MAP3K13: variants seen among roughly 807,000 people sequenced by gnomAD.
The protein encoded by MAP3K13 is leucine zipper-bearing kinase.
In MAP3K13, 52 loss-of-function variants were observed where a neutral mutation model predicts 104.0. The ratio of observed to expected loss-of-function variants is 0.50; its 90% CI spans 0.40 to 0.63. The LOEUF is 0.63. Ranked by LOEUF, MAP3K13 falls within the 20% of genes least tolerant of loss-of-function variation. The pLI, the probability that MAP3K13 is intolerant of heterozygous loss-of-function variation, is 0.00. For missense variants in MAP3K13, 914 were observed against 1,218.5 expected (o/e 0.75, Z 3.72); for synonymous variants, 394 against 442.2 (o/e 0.89, Z 1.37).
rs138766026 is a variant in MAP3K13, at chr3:185,381,020, T to A, written c.-86+17652T>A. ...CTCTGTTACCCAGGCTGGAGTGCAG[T>A]GGCAAGATCTCAGCTCACTGCAACC... On this transcript the variant is annotated intron_variant, in intron 1 of 13. Coordinates refer to ENST00000265026, the MANE Select transcript of MAP3K13 (RefSeq NM_004721.5). Among the ~76,000 whole-genome samples the A allele has an allele frequency of 3.7e-3, 559 of 150,554 alleles. 4 individuals are homozygous for A. The highest frequency in any genetic ancestry group is 0.013 in the African/African-American group (534 of 41,246).
At chr3:185,440,535 C>T (rs896171382) in intron 3 of MAP3K13, among the ~76,000 whole-genome samples, 1 of 152,018 alleles carries the variant, frequency 6.6e-6, no homozygotes, top group African/African-American at 2.4e-5. Flanking sequence ...AGACATATAA[C>T]CGGAACTTGA....
chr3:185,359,192 G>A (rs571988713), upstream of MAP3K13, among the ~76,000 whole-genome samples: 200 of 152,220 alleles, frequency 1.3e-3, 6 homozygotes, highest in South Asian at 0.013. Flanking sequence ...TTACACGGAC[G>A]GCAGCAGGCA....
At chr3:185,385,269 G>A (rs1468773137) in intron 1 of MAP3K13, among the ~76,000 whole-genome samples, 1 of 152,124 alleles carries the variant, frequency 6.6e-6, no homozygotes, top group Non-Finnish European at 1.5e-5. Flanking sequence ...TCCTGCCTCA[G>A]CCTCCCGAGT....
At chr3:185,460,612 C>T (rs942628680) in intron 7 of MAP3K13, among the ~76,000 whole-genome samples, 3 of 152,122 alleles carry the variant, frequency 2.0e-5, no homozygotes, top group Admixed American at 6.6e-5. Context: ...AGATTAAGCT[C>T]AAATTGGAAC....
intron 1 of MAP3K13, among the ~76,000 whole-genome samples, chr3:185,284,182 T>C (rs1720420307): frequency 6.6e-6 from 1 of 152,134 alleles, no homozygotes; most frequent in Admixed American, 6.5e-5. Flanking sequence ...TATAAGTAAG[T>C]GTACTACTTA....
At chr3:185,430,760 C>T (rs1714697773) in intron 2 of MAP3K13, among the ~76,000 whole-genome samples, 2 of 152,086 alleles carry the variant, frequency 1.3e-5, no homozygotes, top group Non-Finnish European at 2.9e-5. Flanking sequence ...CCTCCATCTC[C>T]TGAGAATAAC....
intron 2 of MAP3K13, among the ~76,000 whole-genome samples, chr3:185,437,016 AAAAAAAAAAAAAAAAAT>A (rs1413571626): frequency 1.5e-4 from 23 of 149,064 alleles, no homozygotes; most frequent in South Asian, 4.2e-4. Context: ...AAAAAAAAAA[AAAAAAAAAAAAAAAAAT>A]TAGCAAAGAT....
At position 185,482,416 on chromosome 3, in the gene MAP3K13, C is replaced by T. The variant is rs747642289; in HGVS notation, c.2861C>T (p.Thr954Ile). Residue 954 changes from threonine (T) to isoleucine (I), a missense_variant, in exon 14 of 14, where the codon ACA (threonine) becomes ATA (isoleucine). Physicochemically the swap from Thr to Ile is moderately conservative, Grantham distance 89. This residue lies in a region of MAP3K13 where 583 missense variants were observed against 737.4 expected (regional missense o/e 0.79). Transcript: ENST00000265026. The surrounding 1 kb of genome is among the most constrained non-coding windows in gnomAD (Gnocchi z 4.5). ...TCAGATGGGGAGTGTTCTGATGCCA[C>T]AGTTAGGACCAATAAACACTACAGC... ...DSSDGECSDA[T>I]VRTNKHYSSA... is the part of the protein sequence containing the mutation. 1.9e-6 allele frequency: 3 copies of T among 1,614,018 alleles called. No individual in the cohort carries two copies. The highest frequency in any genetic ancestry group is 1.1e-5 in the South Asian group (1 of 91,084).
At chr3:185,330,196 C>T (rs968202322) in intron 2 of MAP3K13, among the ~76,000 whole-genome samples, 7 of 152,048 alleles carry the variant, frequency 4.6e-5, no homozygotes, top group South Asian at 2.1e-4. Context: ...CCACCGCGCC[C>T]GGCCTAGCCA....
intron 2 of MAP3K13, among the ~76,000 whole-genome samples, chr3:185,352,728 A>C (rs1723183069): frequency 1.3e-5 from 2 of 152,182 alleles, no homozygotes; most frequent in African/African-American, 4.8e-5. Flanking sequence ...TGATTTATAT[A>C]TTGATGTTCA....
intron 1 of MAP3K13, among the ~76,000 whole-genome samples, chr3:185,387,032 G>A (rs955611511): frequency 1.3e-4 from 20 of 152,098 alleles, no homozygotes; most frequent in African/African-American, 4.8e-4. Flanking sequence ...ACAGACCTGC[G>A]CATCCTGCAC....
At chr3:185,415,964 T>G (rs1278862987) in intron 1 of MAP3K13, among the ~76,000 whole-genome samples, 1 of 152,230 alleles carries the variant, frequency 6.6e-6, no homozygotes, top group Non-Finnish European at 1.5e-5. Flanking sequence ...TTCCTTTTTA[T>G]GTGTGCAATT....
chr3:185,330,115 A>G (rs1240006546), intron 2 of MAP3K13, among the ~76,000 whole-genome samples: 1 of 132,624 alleles, frequency 7.5e-6, no homozygotes, highest in African/African-American at 2.9e-5. Flanking sequence ...GTTAGCCAGG[A>G]TGGTCTCGAT....
chr3:185,426,797 A>G (rs994231184), intron 1 of MAP3K13, among the ~76,000 whole-genome samples: 1 of 151,772 alleles, frequency 6.6e-6, no homozygotes, highest in Non-Finnish European at 1.5e-5. Context: ...GAATGCCTAC[A>G]CTTCCTTCAA....
At chr3:185,371,325 T>A (rs1378954057) in intron 1 of MAP3K13, among the ~76,000 whole-genome samples, 1 of 152,256 alleles carries the variant, frequency 6.6e-6, no homozygotes, top group African/African-American at 2.4e-5. Context: ...TATAGCATTT[T>A]CATTTAGTAA....
chr3:185,400,905 G>GTTTTTTTTTTTTTTTTTTTTTT (rs71164506), intron 1 of MAP3K13, among the ~76,000 whole-genome samples: 5 of 107,292 alleles, frequency 4.7e-5, no homozygotes, highest in Non-Finnish European at 7.3e-5. Context: ...GTGTTTGTTT[G>GTTTTTTTTTTTTTTTTTTTTTT]TTTTTTTTTT....
intron 2 of MAP3K13, among the ~76,000 whole-genome samples, chr3:185,288,251 T>C (rs992131603): frequency 6.6e-6 from 1 of 152,006 alleles, no homozygotes; most frequent in Non-Finnish European, 1.5e-5. Flanking sequence ...AGAAAGGAGA[T>C]GAACCTGAAT....
chr3:185,313,628 TAGGG>T (rs1354375927), intron 2 of MAP3K13, among the ~76,000 whole-genome samples: 1 of 151,860 alleles, frequency 6.6e-6, no homozygotes, highest in Non-Finnish European at 1.5e-5. Flanking sequence ...ATTAAAGTAT[TAGGG>T]AGGAGAATAT....
chr3:185,334,926 A>G (rs930623914), intron 2 of MAP3K13, among the ~76,000 whole-genome samples: 5 of 151,866 alleles, frequency 3.3e-5, no homozygotes, highest in African/African-American at 1.2e-4. Flanking sequence ...GGATTTTCTT[A>G]TAGGGGGAAA....
Sources: gnomAD v4.1 joint callset for allele counts (sites outside exome capture counted in the v4.1 genomes callset) on GRCh38, gnomAD v4.1.1 for gene constraint, gnomAD v4.1.1 regional missense constraint, Gnocchi (gnomAD v3.1) non-coding constraint, MANE v1.5 for transcripts, NCBI Gene and HGNC (gene_info 2026-07-23, HGNC 2026-07-21) for gene names.